Variants in TET1 observed in about 807,000 individuals in gnomAD.
TET1 encodes the protein methylcytosine dioxygenase TET1.
A neutral mutation model predicts 148.7 loss-of-function variants in TET1; 13 were observed. The observed-to-expected ratio is 0.09, with a 90% CI of 0.06 to 0.14. The LOEUF is 0.14. TET1 is among the 10% of genes least tolerant of loss of function. The probability of loss-of-function intolerance (pLI) is 1.00; values close to 1 mark genes in which losing one functional copy is unlikely to be tolerated. For synonymous variants in TET1, 907 were observed against 937.2 expected, an observed-to-expected ratio of 0.97 and a Z score of 0.59; for missense variants, 2,182 against 2,553.8, an observed-to-expected ratio of 0.85 and a Z score of 3.14.
At chr10:68,561,685 T>C (rs1203365190) in intron 1 of TET1, among the ~76,000 whole-genome samples, 1 of 151,158 alleles carries the variant, frequency 6.6e-6, no homozygotes, top group East Asian at 2.0e-4. Context: ...TCTCTCTCTG[T>C]GCTTCCCTCC....
At position 68,572,578 on chromosome 10, in the gene TET1, A is replaced by T. The variant is rs1484209524; in HGVS notation, c.240A>T (p.Ala80=). Residue 80 remains alanine (A), a synonymous_variant, in exon 2 of 12, where the codon GCA becomes GCT. Transcript: ENST00000373644. ...GCCTTCTGACAAGAGCTGGAGCAGC[A>T]CGCATGAATTTGGATAGGACTGAGG... ...VRSLLTRAGA[A]RMNLDRTEVL... 6.2e-7 allele frequency: 1 copy of T among 1,614,086 alleles called. No individual in the cohort carries two copies. The highest frequency in any genetic ancestry group is 1.3e-5 in the African/African-American group (1 of 74,946).
intron 7 of TET1, among the ~76,000 whole-genome samples, chr10:68,668,899 T>G (rs2055230647): frequency 6.6e-6 from 1 of 152,110 alleles, no homozygotes; most frequent in Non-Finnish European, 1.5e-5. Flanking sequence ...GTGGAAAGAT[T>G]GCTGTTGCCC....
chr10:68,584,050 T>A (rs10998306), intron 2 of TET1, among the ~76,000 whole-genome samples: 23,336 of 151,704 alleles, frequency 0.15, 1,957 homozygotes, highest in South Asian at 0.24. Flanking sequence ...TTTTTTTTTT[T>A]AATTTTTTTG....
intron 3 of TET1, among the ~76,000 whole-genome samples, chr10:68,633,029 CAAAA>C (rs2054599631): frequency 6.6e-6 from 1 of 151,642 alleles, no homozygotes; most frequent in East Asian, 1.9e-4. Flanking sequence ...ACTAAAAATA[CAAAA>C]ATTAGCTGGG....
chr10:68,679,153 G>A (rs948065778), intron 8 of TET1, among the ~76,000 whole-genome samples: 7 of 152,082 alleles, frequency 4.6e-5, no homozygotes, highest in Admixed American at 2.0e-4. Context: ...CTCACACTCC[G>A]GCCTGGGCAA....
In TET1 at chr10:68,672,785, T is replaced by C. The variant is rs1204770669; in HGVS notation, c.4674-110T>C. 10 of 791,998 alleles carry C rather than the reference T, an allele frequency of 1.3e-5. No individual in the cohort carries two copies. In the African/African-American group the frequency reaches 1.7e-4, roughly 13 times the overall value. The allele number at this position is 791,998 out of a possible 1,614,324, so 49.1% of individuals were successfully genotyped here. ...TAAGTAATATAATAGATAAGTGTTA[T>C]AACCGGTTCTTTAGGCATCCATCCT... On this transcript the variant is annotated intron_variant, in intron 7 of 11. Coordinates refer to ENST00000373644, the MANE Select transcript of TET1 (RefSeq NM_030625.3).
rs759456837 is a variant in TET1 at position 68,646,054 on chromosome 10, A to C, written c.3325A>C (p.Thr1109Pro). The part of the protein sequence containing the change: ...KVESTPTSLV[T>P]CNVQQKYNQE... ...TGAAAGTACACCAACAAGCCTTGTC[A>C]CATGTAATGTACAGCAAAAATACAA... Residue 1109 changes from threonine (T) to proline (P), a missense_variant, in exon 4 of 12, where the codon ACA (threonine) becomes CCA (proline). This residue lies in a region of TET1 where 582 missense variants were observed against 599.5 expected (regional missense o/e 0.97). Transcript: ENST00000373644. 3.1e-6 allele frequency: 5 copies of C among 1,614,166 alleles called. No individual in the cohort carries two copies. In the Admixed American group the frequency reaches 6.7e-5, roughly 22 times the overall value.
Position 68,691,334 on chromosome 10 carries a change from T to A in TET1, c.5931T>A (p.Asp1977Glu). The change falls in exon 12 of 12, where the codon GAT becomes GAA. Residue 1977 changes from aspartate to glutamate, a missense_variant. Transcript: ENST00000373644. This position sits in a 1 kb window ranked among gnomAD's most constrained non-coding sequence, Gnocchi z 4.4. ...DEPPSDEPLS[D>E]DPLSPAEEKL... ...CTCCATCAGACGAACCCCTATCTGA[T>A]GACCCCCTGTCACCTGCTGAGGAGA... The A allele has an allele frequency of 6.2e-7, 1 of 1,614,242 alleles. No homozygotes were observed. The highest frequency in any genetic ancestry group is 1.1e-5 in the South Asian group (1 of 91,090).
chr10:68,645,251 C>T lies in TET1; in HGVS notation c.2522C>T (p.Ser841Phe). 1 of 1,614,056 alleles carries T rather than the reference C, an allele frequency of 6.2e-7. No individual in the cohort carries two copies. The highest frequency in any genetic ancestry group is 8.5e-7 in the Non-Finnish European group (1 of 1,179,978). ...NCSSIPHSSH[S>F]IINHHASIHN... is the part of the protein sequence containing the mutation. ...AGTTCCATTCCACATTCTTCACACT[C>T]CATCATAAATCATCATGCTAGTATA... Residue 841 changes from serine to phenylalanine, a missense_variant, in exon 4 of 12, where the codon TCC becomes TTC. Physicochemically the swap from Ser to Phe is radical, Grantham distance 155. Coordinates refer to ENST00000373644, the MANE Select transcript of TET1 (RefSeq NM_030625.3).
intron 3 of TET1, among the ~76,000 whole-genome samples, chr10:68,628,189 C>T (rs980507309): frequency 1.6e-4 from 24 of 152,122 alleles, no homozygotes; most frequent in African/African-American, 5.3e-4. Flanking sequence ...TTAGGTGATC[C>T]GCCCGCCTTG....
At chr10:68,584,578 A>C (rs948624319) in intron 2 of TET1, among the ~76,000 whole-genome samples, 1 of 149,772 alleles carries the variant, frequency 6.7e-6, no homozygotes, top group Non-Finnish European at 1.5e-5. Context: ...GCGTGGTGGC[A>C]TGCACCTGTA....
intron 3 of TET1, among the ~76,000 whole-genome samples, chr10:68,640,309 G>A (rs1427836164): frequency 2.6e-5 from 4 of 151,572 alleles, no homozygotes; most frequent in Admixed American, 2.0e-4. Flanking sequence ...TGTCGCCCAG[G>A]CTGGAGTGCA....
At chr10:68,595,981 TATACAC>T (rs1267612198) in intron 2 of TET1, among the ~76,000 whole-genome samples, 18 of 40,840 alleles carry the variant, frequency 4.4e-4, no homozygotes, top group Admixed American at 2.0e-3. Context: ...CACACACATA[TATACAC>T]ACACACACAC....
intron 2 of TET1, among the ~76,000 whole-genome samples, chr10:68,592,265 G>T (rs1007074858): frequency 3.9e-5 from 6 of 152,112 alleles, no homozygotes; most frequent in Non-Finnish European, 5.9e-5. Flanking sequence ...GCAGTGAGCC[G>T]AGATCGTGCC....
intron 8 of TET1, among the ~76,000 whole-genome samples, chr10:68,680,497 G>A (rs1486305514): frequency 6.6e-6 from 1 of 152,090 alleles, no homozygotes; most frequent in Non-Finnish European, 1.5e-5. Context: ...AGTATACTCC[G>A]TCACGGCCAG....
chr10:68,676,440 C>T (rs1239324086), intron 8 of TET1, among the ~76,000 whole-genome samples: 4 of 151,204 alleles, frequency 2.6e-5, no homozygotes, highest in Admixed American at 2.6e-4. Flanking sequence ...CCCACCACCA[C>T]AGCCGGCTAA....
chr10:68,676,157 T>TTGTGTGTGTGTGTGTGTGTGTG (rs112413582), intron 8 of TET1, among the ~76,000 whole-genome samples: 1 of 129,194 alleles, frequency 7.7e-6, no homozygotes, highest in African/African-American at 3.0e-5. Context: ...ACCTGGCCTT[T>TTGTGTGTGTGTGTGTGTGTGTG]TGTGTGTGTG....
chr10:68,568,217 CTTT>C (rs566751115), intron 1 of TET1, among the ~76,000 whole-genome samples: 4,811 of 93,724 alleles, frequency 0.051, 99 homozygotes, highest in South Asian at 0.095. Flanking sequence ...CGCGCCCAGT[CTTT>C]TTTTTTTTTT....
intron 2 of TET1, among the ~76,000 whole-genome samples, chr10:68,595,383 T>C (rs2053966003): frequency 6.6e-6 from 1 of 151,898 alleles, no homozygotes; most frequent in Admixed American, 6.6e-5. Flanking sequence ...GCGGGACATA[T>C]TGGAAGGAAA....
Sources: gnomAD v4.1 joint callset for allele counts (sites outside exome capture counted in the v4.1 genomes callset) on GRCh38, gnomAD v4.1.1 for gene constraint, gnomAD v4.1.1 regional missense constraint, Gnocchi (gnomAD v3.1) non-coding constraint, MANE v1.5 for transcripts, NCBI Gene and HGNC (gene_info 2026-07-23, HGNC 2026-07-21) for gene names.